Variants in TNRC6A observed in about 807,000 individuals in gnomAD.
TNRC6A encodes the protein trinucleotide repeat containing adaptor 6A.
TNRC6A carries 44 observed loss-of-function variants against 221.2 expected under a neutral mutation model. That is an observed-to-expected ratio of 0.20 (90% CI 0.16 to 0.26). The LOEUF is 0.26. Among genes scored for constraint, TNRC6A ranks in the 10% least tolerant of loss-of-function variants. The pLI is 1.00. For missense variants in TNRC6A, 2,199 were observed against 2,404.4 expected (o/e 0.91, Z 1.79); for synonymous variants, 847 against 838.5 (o/e 1.01, Z -0.18).
intron 2 of TNRC6A, among the ~76,000 whole-genome samples, chr16:24,657,339 A>AAAACAAAC (rs1385510848): frequency 3.2e-5 from 4 of 126,790 alleles, no homozygotes; most frequent in Admixed American, 9.1e-5. Flanking sequence ...AAAAAAAAAA[A>AAAACAAAC]AAACAAACAA....
chr16:24,816,663 T>C, intron 19 of TNRC6A, 153 bp from the exon 20 acceptor site: 2 of 869,060 alleles, frequency 2.3e-6, no homozygotes, highest in Non-Finnish European at 3.4e-6. Flanking sequence ...ATAATACTAA[T>C]TGTATTAACT....
intron 2 of TNRC6A, among the ~76,000 whole-genome samples, chr16:24,712,886 T>G (rs867503432): frequency 6.7e-6 from 1 of 150,106 alleles, no homozygotes; most frequent in Non-Finnish European, 1.5e-5. Flanking sequence ...CTTGAGAATT[T>G]GGGGCCATAG....
At chr16:24,810,845 A>G (rs758623976) in intron 18 of TNRC6A, among the ~76,000 whole-genome samples, 1 of 152,234 alleles carries the variant, frequency 6.6e-6, no homozygotes, top group Non-Finnish European at 1.5e-5. Context: ...GTCAGTGGAC[A>G]TGAGAGGGAG....
At chr16:24,820,990 C>T (rs1394654508) in intron 22 of TNRC6A, among the ~76,000 whole-genome samples, 1 of 152,222 alleles carries the variant, frequency 6.6e-6, no homozygotes, top group Non-Finnish European at 1.5e-5. Flanking sequence ...AACTACCAAA[C>T]ATTCCCATCT....
At chr16:24,805,174 C>T in intron 14 of TNRC6A, 23 bp downstream of exon 14, 3 of 1,611,176 alleles carry the variant, frequency 1.9e-6, no homozygotes, top group Non-Finnish European at 2.5e-6. Context: ...TCCTTACATT[C>T]TCCTGTTTAC....
In TNRC6A at chr16:24,790,845, G is replaced by C; in HGVS notation, c.2203G>C (p.Asp735His). 6.2e-7 allele frequency: 1 copy of C among 1,614,116 alleles called. No homozygotes were observed. Among genetic ancestry groups the C allele is most frequent in the Non-Finnish European group, 8.5e-7 (1 of 1,180,038 alleles). ...TCCTATTAAGCAGAATACTGCCTGG[G>C]ATACAGAAACATCACCTAGAGGGGA... Reference protein sequence around the residue: ...QTPIKQNTAWDTETSPRGERK... With the variant: ...QTPIKQNTAWHTETSPRGERK... The change falls in exon 6 of 25, where the codon GAT (aspartate) becomes CAT (histidine). Residue 735 changes from aspartate to histidine, a missense_variant. Physicochemically the swap from Asp to His is moderately conservative, Grantham distance 81 (BLOSUM62 -1). Coordinates refer to ENST00000395799, the MANE Select transcript of TNRC6A (RefSeq NM_014494.4).
intron 5 of TNRC6A, 92 bp from the exon 6 acceptor site, chr16:24,789,140 T>A: frequency 1.6e-6 from 2 of 1,278,190 alleles, no homozygotes; most frequent in South Asian, 3.1e-5. Flanking sequence ...GCCACATATA[T>A]TTATAACATA....
intron 23 of TNRC6A, 126 bp downstream of exon 23, chr16:24,822,273 A>G (rs959912117): frequency 2.3e-6 from 2 of 866,482 alleles, no homozygotes; most frequent in Non-Finnish European, 3.6e-6. Context: ...ACAGCAGAGG[A>G]GTGGTCTGTA....
rs563176238 is a variant in TNRC6A at position 24,766,051 on chromosome 16, T to C, written c.163+7691T>C. On this transcript the variant is annotated intron_variant, in intron 4 of 24. Transcript: ENST00000395799. ...GGACAAAGGAAACAGGAAGTAGATA[T>C]GAAAAAAACATTAATGGCTATGAAA... is the stretch of plus-strand genomic sequence containing the variant. Among the ~76,000 whole-genome samples the C allele has an allele frequency of 1.8e-4, 27 of 152,282 alleles. No homozygotes were observed. The South Asian group carries it at 3.9e-3, about 22-fold the overall frequency.
intron 2 of TNRC6A, among the ~76,000 whole-genome samples, chr16:24,690,669 G>T (rs936364233): frequency 3.4e-4 from 51 of 152,138 alleles, no homozygotes; most frequent in Admixed American, 1.2e-3. Flanking sequence ...CAACAACAAA[G>T]CAAAATACTT....
In TNRC6A at chr16:24,791,246, G is replaced by T. The variant is rs748211842; in HGVS notation, c.2604G>T (p.Glu868Asp). The change falls in exon 6 of 25, where the codon GAG becomes GAT. Residue 868 changes from glutamate to aspartate, a missense_variant. Glu to Asp is a conservative substitution (Grantham distance 45, BLOSUM62 2). Around this residue, in one of 8 missense-constraint regions of TNRC6A, gnomAD observed 1,405 missense variants for 1,400.2 expected, o/e 1.00. Coordinates refer to ENST00000395799, the MANE Select transcript of TNRC6A (RefSeq NM_014494.4). ...GETSRNNHWG[E>D]ANKKSSSGGS... is the part of the protein sequence containing the mutation. Reference sequence around the variant, plus strand: ...CTTCAAGGAATAACCATTGGGGTGAGGCCAATAAGAAATCCAGCTCAGGAG... The same window carrying T: ...CTTCAAGGAATAACCATTGGGGTGATGCCAATAAGAAATCCAGCTCAGGAG... 1.2e-6 allele frequency: 2 copies of T among 1,614,180 alleles called. No individual in the cohort carries two copies. The highest frequency in any genetic ancestry group is 1.7e-6 in the Non-Finnish European group (2 of 1,180,014).
intron 4 of TNRC6A, among the ~76,000 whole-genome samples, chr16:24,772,046 A>G (rs1214356835): frequency 6.6e-6 from 1 of 152,218 alleles, no homozygotes; most frequent in Non-Finnish European, 1.5e-5. Context: ...AAAGCCCAAA[A>G]TATTTACTCT....
upstream of TNRC6A, among the ~76,000 whole-genome samples, chr16:24,726,421 G>A (rs1304462677): frequency 6.6e-6 from 1 of 150,708 alleles, no homozygotes; most frequent in African/African-American, 2.4e-5. Context: ...ATACTGTCAG[G>A]ATGGCCTAGC....
At position 24,811,707 on chromosome 16, in the gene TNRC6A, G is replaced by A. The variant is rs74610162; in HGVS notation, c.4672+2226G>A. ...GGGTGCAGTGTGGAGAATTGGAGTA[G>A]ATCTAGTATAGTCATTATCCAGGAG... On this transcript the variant is annotated intron_variant, in intron 18 of 24. Coordinates refer to ENST00000395799, the MANE Select transcript of TNRC6A (RefSeq NM_014494.4). 7.9e-3 allele frequency among the ~76,000 whole-genome samples: 1,199 copies of A among 152,114 alleles called. 6 individuals are homozygous for A. The highest frequency in any genetic ancestry group is 0.021 in the South Asian group (102 of 4,804).
At chr16:24,651,393 C>T (rs1902640697) in intron 2 of TNRC6A, among the ~76,000 whole-genome samples, 1 of 151,632 alleles carries the variant, frequency 6.6e-6, no homozygotes. Context: ...ACAAAATCAG[C>T]CACACATGGT....
intron 9 of TNRC6A, 49 bp from the exon 10 acceptor site, chr16:24,797,441 A>G (rs916484251): frequency 1.4e-6 from 2 of 1,421,712 alleles, no homozygotes; most frequent in Non-Finnish European, 9.8e-7. Flanking sequence ...CTATACCCAG[A>G]TAAACAGAGA....
In TNRC6A at chr16:24,760,872, C is replaced by G. The variant is rs554934869; in HGVS notation, c.163+2512C>G. ...CATTTGTCAAAACTAAAAAACCAAC[C>G]ATGATACTAACCTCACCAGTTTTTC... On this transcript the variant is annotated intron_variant, in intron 4 of 24. Coordinates refer to ENST00000395799, the MANE Select transcript of TNRC6A (RefSeq NM_014494.4). Among the ~76,000 whole-genome samples, 9 of 152,314 alleles carry G rather than the reference C, an allele frequency of 5.9e-5. No individual in the cohort carries two copies. The South Asian group carries it at 1.7e-3, about 28-fold the overall frequency.
intron 1 of TNRC6A, 149 bp downstream of exon 1, chr16:24,729,995 C>A: frequency 1.3e-6 from 1 of 752,684 alleles, no homozygotes; most frequent in Non-Finnish European, 1.7e-6. Flanking sequence ...TGCGTTGCTG[C>A]GGAGGCCGAG....
chr16:24,717,753 T>C lies in TNRC6A; in HGVS notation n.403-32973T>C, dbSNP rs1405750214. On this transcript the variant is annotated intron_variant and non_coding_transcript_variant, in intron 2 of 2. Transcript: ENST00000566108. Reference sequence around the variant, plus strand: ...TTAACTCCTTGGAAGAAAGACAAGGTTCATCTTTTTTTTTTTCTTTTTTTT... The same window carrying C: ...TTAACTCCTTGGAAGAAAGACAAGGCTCATCTTTTTTTTTTTCTTTTTTTT... 4.0e-5 allele frequency among the ~76,000 whole-genome samples: 6 copies of C among 149,580 alleles called. No homozygotes were observed. In the South Asian group the frequency reaches 1.3e-3, roughly 32 times the overall value.
Sources: gnomAD v4.1 joint callset for allele counts (sites outside exome capture counted in the v4.1 genomes callset) on GRCh38, gnomAD v4.1.1 for gene constraint, gnomAD v4.1.1 regional missense constraint, MANE v1.5 for transcripts, NCBI Gene and HGNC (gene_info 2026-07-23, HGNC 2026-07-21) for gene names.